Variants in ACOT1 observed in about 807,000 individuals in gnomAD.
ACOT1 encodes acyl-coenzyme A thioesterase 1.
A neutral mutation model predicts 15.7 loss-of-function variants in ACOT1; 8 were observed. The observed-to-expected ratio is 0.51, with a 90% CI of 0.30 to 0.92. ACOT1 has a LOEUF of 0.92. Ranked by LOEUF, ACOT1 falls within the 40% of genes least tolerant of loss-of-function variation. ACOT1 has a pLI of 0.06. For missense variants in ACOT1, 151 were observed against 539.4 expected (o/e 0.28, Z 7.13); for synonymous variants, 67 against 241.2 (o/e 0.28, Z 6.69).
the ACOT1 span, chr14:73,517,471 G>A: frequency 6.6e-6 from 1 of 152,270 alleles, no homozygotes. Flanking sequence ...GAGCCCAGAA[G>A]TTTGAGACCA....
At chr14:73,493,239 C>G in the ACOT1 span, 2 of 799,156 alleles carry the variant, frequency 2.5e-6, no homozygotes, top group Admixed American at 2.4e-5. Flanking sequence ...GTAACACTGA[C>G]CATGTCGTTC....
Position 73,537,662 on chromosome 14 carries a change from C to T in ACOT1, c.241C>T (p.Leu81Phe). The T allele has an allele frequency of 8.1e-7, 1 of 1,242,056 alleles. No individual in the cohort carries two copies. Among genetic ancestry groups the T allele is most frequent in the Non-Finnish European group, 1.1e-6 (1 of 937,952 alleles). 76.9% of individuals were successfully genotyped at this position (1,242,056 alleles called of 1,614,324 possible). The change falls in exon 1 of 3, where the codon CTC (leucine) becomes TTC (phenylalanine). Residue 81 changes from leucine to phenylalanine, a missense_variant. Transcript: ENST00000311148. The stretch of plus-strand genomic sequence containing the variant: ...CGCGGGGCTTGAGCCCATGGGGCTG[C>T]TCTGGGCCTTGGAGCCCGAGAAACC... ...SFAGLEPMGL[L>F]WALEPEKPLV...
chr14:73,512,819 C>T, the ACOT1 span, among the ~76,000 whole-genome samples: 1 of 152,096 alleles, frequency 6.6e-6, no homozygotes, highest in African/African-American at 2.4e-5. Context: ...TTCCTTCAGT[C>T]TTTTTTGTTA....
the ACOT1 span, among the ~76,000 whole-genome samples, chr14:73,515,914 G>A: frequency 1.1e-5 from 1 of 93,562 alleles, no homozygotes; most frequent in African/African-American, 4.9e-5. Context: ...CTTCTCTCAG[G>A]CGATTTGAAA....
the ACOT1 span, chr14:73,514,321 T>C: frequency 8.3e-7 from 1 of 1,210,488 alleles, no homozygotes; most frequent in Non-Finnish European, 1.2e-6. Context: ...CCATTCCTAT[T>C]CCTGACTAAT....
chr14:73,520,824 C>T, the ACOT1 span: 133 of 1,599,558 alleles, frequency 8.3e-5, no homozygotes, highest in African/African-American at 1.6e-3. Context: ...CCCCGTGTGC[C>T]CCTACCACAG....
the ACOT1 span, among the ~76,000 whole-genome samples, chr14:73,523,602 T>A: frequency 1.3e-5 from 2 of 152,242 alleles, no homozygotes; most frequent in Non-Finnish European, 2.9e-5. Flanking sequence ...CCTCAGTTTA[T>A]GACTTTGTCC....
the ACOT1 span, chr14:73,521,117 G>C: frequency 1.6e-6 from 2 of 1,275,566 alleles, no homozygotes; most frequent in Non-Finnish European, 2.2e-6. Context: ...TCCACAGCTC[G>C]TTCCCTTTCC....
the ACOT1 span, chr14:73,522,977 C>T: frequency 1.9e-5 from 30 of 1,614,084 alleles, no homozygotes; most frequent in East Asian, 1.1e-4. Flanking sequence ...TTGGCTCTTG[C>T]GGTGTAGACG....
At chr14:73,506,667 A>T in the ACOT1 span, 1 of 887,434 alleles carries the variant, frequency 1.1e-6, no homozygotes, top group Non-Finnish European at 1.8e-6. Context: ...TGCATAATTA[A>T]TGTCACCAGT....
the ACOT1 span, among the ~76,000 whole-genome samples, chr14:73,505,663 C>A: frequency 6.6e-6 from 1 of 151,034 alleles, no homozygotes; most frequent in Non-Finnish European, 1.5e-5. Flanking sequence ...AAAGTGCTGG[C>A]ATTACAGGTG....
chr14:73,506,185 G>A, the ACOT1 span, among the ~76,000 whole-genome samples: 2 of 152,046 alleles, frequency 1.3e-5, no homozygotes, highest in Admixed American at 6.6e-5. Context: ...CACCGCACCC[G>A]GCCTACTATA....
chr14:73,508,622 G>A, the ACOT1 span, among the ~76,000 whole-genome samples: 2 of 151,774 alleles, frequency 1.3e-5, no homozygotes, highest in Admixed American at 6.6e-5. Flanking sequence ...GGTGGCATGC[G>A]CCTGTAATCC....
chr14:73,497,713 A>G, the ACOT1 span, among the ~76,000 whole-genome samples: 7 of 151,758 alleles, frequency 4.6e-5, no homozygotes, highest in African/African-American at 1.7e-4. Flanking sequence ...CGCAACCTCC[A>G]CTTCCCAGGT....
At chr14:73,492,512 G>T in the ACOT1 span, 2 of 1,613,326 alleles carry the variant, frequency 1.2e-6, no homozygotes, top group Non-Finnish European at 1.7e-6. The surrounding 1 kb of genome is among the most constrained non-coding windows in gnomAD (Gnocchi z 4.9). Flanking sequence ...TGCTGTGGCC[G>T]ACCAGCGAGC....
chr14:73,493,547 G>C, the ACOT1 span, among the ~76,000 whole-genome samples: 1 of 152,064 alleles, frequency 6.6e-6, no homozygotes, highest in African/African-American at 2.4e-5. Context: ...TCTTAAGGAA[G>C]AGACTCTCAG....
At chr14:73,521,129 C>G in the ACOT1 span, 1 of 1,158,576 alleles carries the variant, frequency 8.6e-7, no homozygotes, top group Non-Finnish European at 1.3e-6. Context: ...TCCCTTTCCT[C>G]TTTAAGCTCA....
the ACOT1 span, among the ~76,000 whole-genome samples, chr14:73,513,792 A>G: frequency 1.3e-5 from 2 of 151,678 alleles, no homozygotes; most frequent in Admixed American, 6.6e-5. Flanking sequence ...CAGTGTAATA[A>G]TGAGTTTCCA....
the ACOT1 span, chr14:73,491,350 C>T: frequency 1.4e-6 from 2 of 1,435,450 alleles, no homozygotes; most frequent in South Asian, 1.4e-5. Flanking sequence ...CCTCGCCCGC[C>T]GCGCGCTCCC....
Sources: allele counts gnomAD v4.1 joint callset (sites outside exome capture counted in the v4.1 genomes callset), GRCh38; gene constraint gnomAD v4.1.1; non-coding constraint Gnocchi (gnomAD v3.1); transcripts MANE v1.5; gene names NCBI Gene and HGNC (gene_info 2026-07-23, HGNC 2026-07-21).